The following BMPER variants were observed in gnomAD, a reference collection of about 807,000 sequenced individuals.
BMPER encodes the protein BMP binding endothelial regulator, also known as BMP-binding endothelial regulator protein.
A neutral mutation model predicts 87.3 loss-of-function variants in BMPER; 45 were observed. That is an observed-to-expected ratio of 0.52 (90% CI 0.41 to 0.66). The LOEUF is 0.66. Ranked by LOEUF, BMPER falls within the 30% of genes least tolerant of loss-of-function variation. The probability of loss-of-function intolerance (pLI) is 0.00; values close to 1 mark genes in which losing one functional copy is unlikely to be tolerated. For synonymous variants in BMPER, 326 were observed against 316.2 expected, an observed-to-expected ratio of 1.03 and a Z score of -0.33; for missense variants, 784 against 867.5, an observed-to-expected ratio of 0.90 and a Z score of 1.21.
chr7:33,990,025 A>T (rs1472488164), intron 6 of BMPER, among the ~76,000 whole-genome samples: 1 of 151,730 alleles, frequency 6.6e-6, no homozygotes, highest in Non-Finnish European at 1.5e-5. Flanking sequence ...GTAGCCTTGT[A>T]GTATAGTTTG....
intron 2 of BMPER, among the ~76,000 whole-genome samples, chr7:33,931,540 G>A (rs965100348): frequency 9.2e-5 from 14 of 152,236 alleles, no homozygotes; most frequent in Admixed American, 4.6e-4. Flanking sequence ...TTGCCTGGGA[G>A]AAATTGTGAC....
intron 9 of BMPER, 30 bp from the exon 10 acceptor site, chr7:34,058,029 G>A (rs1458779958): frequency 1.9e-6 from 3 of 1,603,016 alleles, no homozygotes; most frequent in South Asian, 1.1e-5. Flanking sequence ...GCCTCCAGCT[G>A]CTGACAGGAT....
chr7:34,085,985 T>A lies in BMPER; in HGVS notation c.1638T>A (p.Cys546Ter), dbSNP rs387906994. ...AGAGAAAGCCAGTGCCTGAACTGTG[T>A]CAAGGGACAGTCAAGGTAAAGCTCC... ...RPQRKPVPEL[C>*]QGTVKVKLRA... Residue 546 changes from cysteine to a stop codon, truncating the protein, a stop_gained, in exon 13 of 15, where the codon TGT (cysteine) becomes TGA (stop). Transcript: ENST00000649409. LOFTEE classifies it high-confidence loss of function. 6.2e-7 allele frequency: 1 copy of A among 1,614,146 alleles called. No homozygotes were observed. The highest frequency in any genetic ancestry group is 8.5e-7 in the Non-Finnish European group (1 of 1,180,016).
intron 13 of BMPER, among the ~76,000 whole-genome samples, chr7:34,094,059 G>T (rs1238719934): frequency 6.6e-6 from 1 of 152,112 alleles, no homozygotes; most frequent in Non-Finnish European, 1.5e-5. Context: ...CTGGTCTGGG[G>T]GCTCCATCAG....
chr7:34,073,072 T>A (rs1310049676), intron 11 of BMPER, among the ~76,000 whole-genome samples: 1 of 152,214 alleles, frequency 6.6e-6, no homozygotes, highest in African/African-American at 2.4e-5. Flanking sequence ...ACTATTTTAG[T>A]AAGTTCAGTG....
At chr7:34,059,716 C>G (rs934988550) in intron 10 of BMPER, among the ~76,000 whole-genome samples, 2 of 149,988 alleles carry the variant, frequency 1.3e-5, no homozygotes, top group African/African-American at 4.9e-5. Context: ...CTTACTTCCC[C>G]TCCCCTACAT....
chr7:34,132,462 G>A (rs976527269), intron 13 of BMPER, among the ~76,000 whole-genome samples: 23 of 152,010 alleles, frequency 1.5e-4, no homozygotes, highest in African/African-American at 4.8e-4. Context: ...AAAGGCCTCC[G>A]GATCGAAGCC....
chr7:33,997,264 C>T (rs1158853906), intron 6 of BMPER, among the ~76,000 whole-genome samples: 2 of 152,210 alleles, frequency 1.3e-5, no homozygotes, highest in Admixed American at 1.3e-4. Context: ...GAGCTCCCCT[C>T]TGCCCTCAAC....
intron 6 of BMPER, 66 bp from the exon 7 acceptor site, chr7:34,046,240 T>A (rs1277401997): frequency 2.7e-6 from 4 of 1,461,220 alleles, no homozygotes; most frequent in Non-Finnish European, 3.8e-6. Flanking sequence ...GTTCTAGATA[T>A]CTTGGTTGTA....
chr7:33,984,051 G>A (rs986771570), intron 6 of BMPER, among the ~76,000 whole-genome samples: 10 of 152,140 alleles, frequency 6.6e-5, no homozygotes, highest in African/African-American at 2.2e-4. Context: ...AGGTAAGTTG[G>A]AAAATTGAGA....
intron 3 of BMPER, among the ~76,000 whole-genome samples, chr7:33,951,928 G>A (rs1404797234): frequency 1.3e-5 from 2 of 152,134 alleles, no homozygotes; most frequent in Admixed American, 6.5e-5. Flanking sequence ...GTCTACCAAC[G>A]AGTTCTAGGC....
intron 13 of BMPER, among the ~76,000 whole-genome samples, chr7:34,136,289 C>A (rs1418468649): frequency 1.3e-5 from 2 of 152,072 alleles, no homozygotes; most frequent in Non-Finnish European, 2.9e-5. Context: ...GTTTTTTGTA[C>A]CCCTTCGATG....
At chr7:33,913,045 A>G (rs1031748165) in intron 2 of BMPER, among the ~76,000 whole-genome samples, 11 of 152,228 alleles carry the variant, frequency 7.2e-5, no homozygotes, top group Non-Finnish European at 1.5e-4. Context: ...GGAGACGAAC[A>G]CATATATAAA....
At chr7:34,077,465 C>T (rs1788895071) in intron 11 of BMPER, among the ~76,000 whole-genome samples, 1 of 152,208 alleles carries the variant, frequency 6.6e-6, no homozygotes, top group African/African-American at 2.4e-5. Context: ...TTCTTCCACC[C>T]TCCACCCTGA....
At chr7:34,060,897 A>C (rs962785926) in intron 10 of BMPER, among the ~76,000 whole-genome samples, 1 of 152,264 alleles carries the variant, frequency 6.6e-6, no homozygotes, top group African/African-American at 2.4e-5. Context: ...ATATTAAATT[A>C]TATTCAAGAG....
intron 10 of BMPER, 52 bp from the exon 11 acceptor site, chr7:34,061,950 G>GTTTTTTT: frequency 1.1e-4 from 133 of 1,171,206 alleles, no homozygotes; most frequent in Middle Eastern, 2.8e-4. Context: ...AGGAGACCCT[G>GTTTTTTT]TTTTTTTTTT....
intron 14 of BMPER, among the ~76,000 whole-genome samples, chr7:34,147,082 G>A (rs556802622): frequency 7.3e-4 from 111 of 152,306 alleles, no homozygotes; most frequent in African/African-American, 2.5e-3. Flanking sequence ...TGCTGGAAAC[G>A]TGGGTGTTTT....
intron 3 of BMPER, among the ~76,000 whole-genome samples, chr7:33,945,390 ACAGGTGCCTGCCATGAGG>A (rs1784869018): frequency 6.6e-6 from 1 of 151,472 alleles, no homozygotes; most frequent in Non-Finnish European, 1.5e-5. Context: ...AGCTGGAATT[ACAGGTGCCTGCCATGAGG>A]CAGGCTAATT....
chr7:34,046,624 TC>T (rs1214806450), intron 7 of BMPER, among the ~76,000 whole-genome samples: 1 of 152,192 alleles, frequency 6.6e-6, no homozygotes, highest in Non-Finnish European at 1.5e-5. Flanking sequence ...CTCACTTGCA[TC>T]TGTAACTGGG....
Sources: gnomAD v4.1 joint callset for allele counts (sites outside exome capture counted in the v4.1 genomes callset) on GRCh38, gnomAD v4.1.1 for gene constraint, MANE v1.5 for transcripts, NCBI Gene and HGNC (gene_info 2026-07-23, HGNC 2026-07-21) for gene names.